The following STK32B variants were observed in gnomAD, a reference collection of about 807,000 sequenced individuals.
STK32B encodes the protein serine/threonine kinase 32B.
A neutral mutation model predicts 52.6 loss-of-function variants in STK32B; 43 were observed. The ratio of observed to expected loss-of-function variants is 0.82; its 90% CI spans 0.64 to 1.05. The LOEUF (loss-of-function observed/expected upper bound fraction) is 1.05, where lower values mean the gene tolerates loss of function less well. Ranked by LOEUF, STK32B falls within the 50% of genes least tolerant of loss-of-function variation. STK32B has a pLI of 0.00. For synonymous variants in STK32B, 238 were observed against 204.3 expected (o/e 1.17, Z -1.41); for missense variants, 621 against 534.6 (o/e 1.16, Z -1.59).
rs551484357 is a variant in STK32B, at chr4:5,476,196, G to A, written c.1106+8126G>A. Among the ~76,000 whole-genome samples the A allele has an allele frequency of 9.4e-4, 143 of 152,072 alleles. No individual in the cohort carries two copies. In the Middle Eastern group the frequency reaches 0.017, roughly 18 times the overall value. Reference sequence around the variant, plus strand: ...ATTACAGGTGTGAGCCACTGCACCCGGCCTCACAATCTTGATTTATAAGTC... The same window carrying A: ...ATTACAGGTGTGAGCCACTGCACCCAGCCTCACAATCTTGATTTATAAGTC... On this transcript the variant is annotated intron_variant, in intron 11 of 11. Coordinates refer to ENST00000282908, the MANE Select transcript of STK32B (RefSeq NM_018401.3).
chr4:5,092,036 GA>G (rs1346676045), intron 1 of STK32B, among the ~76,000 whole-genome samples: 3 of 152,256 alleles, frequency 2.0e-5, no homozygotes, highest in Non-Finnish European at 2.9e-5. Context: ...AATGGCTGTA[GA>G]AGGGAGTGGA....
In STK32B at chr4:5,276,817, C is replaced by T. The variant is rs139390852; in HGVS notation, c.261-54403C>T. Among the ~76,000 whole-genome samples the T allele has an allele frequency of 3.7e-3, 564 of 152,106 alleles. 3 individuals are homozygous for T. Among genetic ancestry groups the T allele is most frequent in the African/African-American group, 0.012 (504 of 41,502 alleles). The stretch of plus-strand genomic sequence containing the variant: ...CTGGCCAACGGTGGGGTGCAGTTTC[C>T]GCTTCTTCTCTGTCCAAATGCCCAG... On this transcript the variant is annotated intron_variant, in intron 3 of 11. Transcript: ENST00000282908.
chr4:5,430,438 T>G (rs1713478712), intron 6 of STK32B, among the ~76,000 whole-genome samples: 1 of 152,240 alleles, frequency 6.6e-6, no homozygotes, highest in Non-Finnish European at 1.5e-5. Context: ...GTTTCTGTCT[T>G]TCTATTGAAA....
At chr4:5,157,077 G>A (rs1016191648) in intron 2 of STK32B, among the ~76,000 whole-genome samples, 5 of 152,216 alleles carry the variant, frequency 3.3e-5, no homozygotes, top group African/African-American at 9.6e-5. Flanking sequence ...GCAGGAATTC[G>A]ATTTTAGATG....
At chr4:5,028,115 C>T in the STK32B span, among the ~76,000 whole-genome samples, 5 of 152,284 alleles carry the variant, frequency 3.3e-5, no homozygotes, top group African/African-American at 9.6e-5. Context: ...GTGCTCGGTG[C>T]GGAGCTGGAG....
intron 3 of STK32B, among the ~76,000 whole-genome samples, chr4:5,175,805 G>A (rs951711763): frequency 8.5e-5 from 13 of 152,222 alleles, no homozygotes. Context: ...TGCATGCTGG[G>A]AGAACCACTA....
chr4:5,126,270 C>T (rs1311117507), intron 1 of STK32B, among the ~76,000 whole-genome samples: 1 of 152,286 alleles, frequency 6.6e-6, no homozygotes, highest in East Asian at 1.9e-4. Flanking sequence ...TGCCCTTTAT[C>T]TCCATCCCTT....
At chr4:5,085,256 A>G (rs140170410) in intron 1 of STK32B, among the ~76,000 whole-genome samples, 42 of 152,342 alleles carry the variant, frequency 2.8e-4, no homozygotes, top group African/African-American at 8.4e-4. Flanking sequence ...GGTGGTATGA[A>G]TAACAAATGA....
intron 11 of STK32B, among the ~76,000 whole-genome samples, chr4:5,495,560 CCTT>C (rs1215098267): frequency 3.3e-5 from 5 of 152,334 alleles, no homozygotes; most frequent in Middle Eastern, 6.8e-3. Context: ...TCGTCTGAAG[CCTT>C]CTTCTCTCAA....
chr4:5,466,106 G>A (rs1717415215), intron 9 of STK32B, among the ~76,000 whole-genome samples: 1 of 152,160 alleles, frequency 6.6e-6, no homozygotes, highest in Non-Finnish European at 1.5e-5. Context: ...GGCTACAGCT[G>A]AGGAATGAAA....
At chr4:5,188,900 A>T (rs1720959852) in intron 3 of STK32B, among the ~76,000 whole-genome samples, 1 of 151,944 alleles carries the variant, frequency 6.6e-6, no homozygotes, top group Non-Finnish European at 1.5e-5. Context: ...CGTTAGGAGA[A>T]ATACCTAATG....
rs1337498720 is a variant in STK32B, at chr4:5,317,492, AATAT to A, written c.261-13723_261-13720del. On this transcript the variant is annotated intron_variant, in intron 3 of 11. Coordinates refer to ENST00000282908, the MANE Select transcript of STK32B (RefSeq NM_018401.3). ...TATAATATATATATTACATATATAT[AATAT>A]ATATTATATATGTATAATATATTTA... 2.6e-4 allele frequency among the ~76,000 whole-genome samples: 27 copies of A among 104,816 alleles called. 1 individual carries two copies. The highest frequency in any genetic ancestry group is 1.2e-3 in the African/African-American group (22 of 18,794). The allele number at this position is 104,816 out of a possible 152,430, so 68.8% of individuals were successfully genotyped here. A position where few individuals can be genotyped will look rare whatever the true frequency, so the allele number is the denominator to read the frequency against.
intron 1 of STK32B, among the ~76,000 whole-genome samples, chr4:5,078,157 G>A (rs1206027068): frequency 1.3e-5 from 2 of 152,048 alleles, no homozygotes; most frequent in South Asian, 2.1e-4. Context: ...TTATAAGGGG[G>A]CACAATACTT....
At chr4:5,076,883 G>C (rs1046090889) in intron 1 of STK32B, among the ~76,000 whole-genome samples, 2 of 151,884 alleles carry the variant, frequency 1.3e-5, no homozygotes, top group African/African-American at 4.8e-5. Context: ...TTCCATCATT[G>C]TAAAATTTTA....
chr4:5,437,735 GA>G (rs1714220739), intron 6 of STK32B, among the ~76,000 whole-genome samples: 1 of 152,176 alleles, frequency 6.6e-6, no homozygotes, highest in Non-Finnish European at 1.5e-5. Flanking sequence ...GAGAATTAAA[GA>G]GGTAATATAG....
At chr4:5,315,285 C>T (rs1277121670) in intron 3 of STK32B, among the ~76,000 whole-genome samples, 1 of 152,068 alleles carries the variant, frequency 6.6e-6, no homozygotes, top group African/African-American at 2.4e-5. Context: ...GATGTGACTA[C>T]ACACCTGTCA....
chr4:5,250,495 T>C (rs1022737318), intron 3 of STK32B, among the ~76,000 whole-genome samples: 1 of 152,008 alleles, frequency 6.6e-6, no homozygotes, highest in South Asian at 2.1e-4. Flanking sequence ...GTAGTTTTAG[T>C]AGAGAGGAGG....
At chr4:5,457,969 G>T (rs1463110981) in intron 8 of STK32B, among the ~76,000 whole-genome samples, 3 of 151,218 alleles carry the variant, frequency 2.0e-5, no homozygotes, top group Non-Finnish European at 4.4e-5. Flanking sequence ...GGAAAGGAAA[G>T]AAGGAAGGAA....
chr4:5,417,037 C>A lies in STK32B; in HGVS notation c.562+103C>A, dbSNP rs1443080871. ...GCCACTGCCCGCTGCCACATACCCT[C>A]CCATGCTCACATGAGGTTCCACAGT... is the stretch of plus-strand genomic sequence containing the variant. On this transcript the variant is annotated intron_variant, in intron 6 of 11. Transcript: ENST00000282908. 3 of 1,032,188 alleles carry A rather than the reference C, an allele frequency of 2.9e-6. No individual in the cohort carries two copies. The African/African-American group carries it at 4.8e-5, about 17-fold the overall frequency. 63.9% of individuals were successfully genotyped at this position (1,032,188 alleles called of 1,614,324 possible). A position where few individuals can be genotyped will look rare whatever the true frequency, so the allele number is the denominator to read the frequency against.
Sources: allele counts gnomAD v4.1 joint callset (sites outside exome capture counted in the v4.1 genomes callset), GRCh38; gene constraint gnomAD v4.1.1; transcripts MANE v1.5; gene names NCBI Gene and HGNC (gene_info 2026-07-23, HGNC 2026-07-21).